ZNF676: variants seen among roughly 807,000 people sequenced by gnomAD.
The protein encoded by ZNF676 is zinc finger protein 676.
ZNF676 carries 4 observed loss-of-function variants against 6.0 expected under a neutral mutation model. That is an observed-to-expected ratio of 0.67 (90% CI 0.33 to 1.53). The LOEUF is 1.53. Ranked by LOEUF, ZNF676 falls within the 40% of genes most tolerant of loss-of-function variation. The pLI is 0.06. For synonymous variants in ZNF676, 198 were observed against 223.1 expected (o/e 0.89, Z 1.00); for missense variants, 644 against 679.7 (o/e 0.95, Z 0.58).
upstream of ZNF676, among the ~76,000 whole-genome samples, chr19:22,199,273 CATTA>C (rs2024001195): frequency 6.6e-6 from 1 of 152,142 alleles, no homozygotes; most frequent in African/African-American, 2.4e-5. Context: ...TTATTATTAG[CATTA>C]ATTAGAGAAA....
At chr19:22,218,585 C>T (rs901222378), upstream of ZNF676, among the ~76,000 whole-genome samples, 8 of 150,998 alleles carry the variant, frequency 5.3e-5, no homozygotes, top group South Asian at 2.1e-4. Flanking sequence ...ACCTCGTGAT[C>T]CACCCACCTT....
At chr19:22,194,247 C>T (rs2144764608) in intron 1 of ZNF676, among the ~76,000 whole-genome samples, 1 of 152,308 alleles carries the variant, frequency 6.6e-6, no homozygotes, top group African/African-American at 2.4e-5. Flanking sequence ...CAATATATCA[C>T]ATGGCTGCAA....
the ZNF676 span, among the ~76,000 whole-genome samples, chr19:22,256,766 G>C: frequency 1.3e-5 from 2 of 152,004 alleles, no homozygotes; most frequent in East Asian, 3.9e-4. Flanking sequence ...TTATTGGCAG[G>C]GCCCAGGCAG....
intron 1 of ZNF676, among the ~76,000 whole-genome samples, chr19:22,202,520 G>A (rs1478019490): frequency 6.6e-6 from 1 of 152,120 alleles, no homozygotes; most frequent in East Asian, 1.9e-4. Flanking sequence ...ATTATGTCTG[G>A]TAATTCTAGA....
chr19:22,224,024 C>T, the ZNF676 span, among the ~76,000 whole-genome samples: 3 of 151,264 alleles, frequency 2.0e-5, no homozygotes, highest in East Asian at 5.8e-4. Context: ...AAAAGCTTAT[C>T]ATTAGAATCT....
At chr19:22,206,786 T>C (rs2024080515) in intron 1 of ZNF676, among the ~76,000 whole-genome samples, 1 of 152,078 alleles carries the variant, frequency 6.6e-6, no homozygotes, top group African/African-American at 2.4e-5. Flanking sequence ...TCAAGGTTTG[T>C]TCAACATACA....
intron 1 of ZNF676, among the ~76,000 whole-genome samples, chr19:22,193,905 T>C (rs1382448643): frequency 1.3e-5 from 2 of 152,148 alleles, no homozygotes; most frequent in Non-Finnish European, 1.5e-5. Context: ...AGAATTGGTG[T>C]TCAGAGCCAT....
upstream of ZNF676, among the ~76,000 whole-genome samples, chr19:22,218,252 C>T (rs577669697): frequency 2.0e-5 from 3 of 152,180 alleles, no homozygotes; most frequent in South Asian, 2.1e-4. Context: ...CTTTAGAATT[C>T]GGGTAGTTTC....
the ZNF676 span, among the ~76,000 whole-genome samples, chr19:22,250,384 GT>G: frequency 1.3e-5 from 2 of 152,046 alleles, no homozygotes; most frequent in Non-Finnish European, 2.9e-5. Context: ...AAAAGGAAAG[GT>G]TTTTGCCTTT....
intron 2 of ZNF676, among the ~76,000 whole-genome samples, chr19:22,184,180 T>C (rs1291337202): frequency 6.6e-6 from 1 of 152,070 alleles, no homozygotes; most frequent in Non-Finnish European, 1.5e-5. Flanking sequence ...ACGGGACTGG[T>C]TGAACAGTGG....
intron 1 of ZNF676, among the ~76,000 whole-genome samples, chr19:22,208,618 A>G (rs2024098820): frequency 6.6e-6 from 1 of 152,202 alleles, no homozygotes; most frequent in African/African-American, 2.4e-5. Context: ...CATGGAATCA[A>G]CCTAAATGCC....
chr19:22,179,784 G>A lies in ZNF676; in HGVS notation c.*166C>T. ...AGCCTTTGTCACATTCTTCACGTTT[G>A]TAGTGTTTCTCTCCAGCATGAATTT... On this transcript the variant is annotated 3_prime_UTR_variant, in exon 3 of 3. Transcript: ENST00000397121. The A allele has an allele frequency of 2.3e-6, 2 of 864,662 alleles. No homozygotes were observed. The highest frequency in any genetic ancestry group is 1.5e-5 in the South Asian group (1 of 68,822). 53.6% of individuals were successfully genotyped at this position (864,662 alleles called of 1,614,324 possible).
the ZNF676 span, among the ~76,000 whole-genome samples, chr19:22,243,005 G>C: frequency 6.6e-6 from 1 of 151,904 alleles, no homozygotes; most frequent in Admixed American, 6.6e-5. Flanking sequence ...GTAACAGGCA[G>C]AAGTATCTCA....
At chr19:22,193,266 G>A (rs1427086173) in intron 1 of ZNF676, among the ~76,000 whole-genome samples, 155 bp from the exon 2 acceptor site, 1 of 152,100 alleles carries the variant, frequency 6.6e-6, no homozygotes, top group African/African-American at 2.4e-5. Flanking sequence ...AACGTTATGT[G>A]CAGTTGCTTA....
the ZNF676 span, among the ~76,000 whole-genome samples, chr19:22,255,889 T>C: frequency 3.3e-5 from 5 of 151,774 alleles, no homozygotes; most frequent in African/African-American, 1.2e-4. Context: ...AGTTTTGCTA[T>C]CCCAAATCTG....
intron 1 of ZNF676, among the ~76,000 whole-genome samples, chr19:22,195,691 C>T (rs1476533309): frequency 6.6e-6 from 1 of 152,148 alleles, no homozygotes; most frequent in Non-Finnish European, 1.5e-5. Flanking sequence ...AATTACAAAA[C>T]TTACAATTGA....
chr19:22,228,136 C>T, the ZNF676 span, among the ~76,000 whole-genome samples: 3 of 152,210 alleles, frequency 2.0e-5, no homozygotes, highest in African/African-American at 7.2e-5. Context: ...TCCAGCAGCA[C>T]ATCAAAAAGC....
intron 1 of ZNF676, chr19:22,215,544 G>T (rs2024175685): frequency 6.8e-7 from 1 of 1,473,062 alleles, no homozygotes; most frequent in Non-Finnish European, 9.4e-7. Flanking sequence ...GCTGACTGCG[G>T]GTAGGCTTGA....
chr19:22,231,155 A>G, the ZNF676 span, among the ~76,000 whole-genome samples: 1 of 152,020 alleles, frequency 6.6e-6, no homozygotes, highest in Non-Finnish European at 1.5e-5. Flanking sequence ...GTTAAAATGT[A>G]GTTATATCTT....
Sources: allele counts gnomAD v4.1 joint callset (sites outside exome capture counted in the v4.1 genomes callset), GRCh38; gene constraint gnomAD v4.1.1; transcripts MANE v1.5; gene names NCBI Gene and HGNC (gene_info 2026-07-23, HGNC 2026-07-21).